RCSD1: variants seen among roughly 807,000 people sequenced by gnomAD.
RCSD1 encodes the protein RCSD domain containing 1.
RCSD1 carries 26 observed loss-of-function variants against 42.5 expected under a neutral mutation model. The observed-to-expected ratio is 0.61, with a 90% CI of 0.45 to 0.85. The LOEUF (loss-of-function observed/expected upper bound fraction) is 0.85. Among genes scored for constraint, RCSD1 ranks in the 40% least tolerant of loss-of-function variants. The probability of loss-of-function intolerance (pLI) is 0.00; values close to 1 mark genes in which losing one functional copy is unlikely to be tolerated. For missense variants in RCSD1, 571 were observed against 528.3 expected (o/e 1.08, Z -0.79); for synonymous variants, 220 against 212.2 (o/e 1.04, Z -0.32).
chr1:167,701,206 C>A (rs902874941), intron 6 of RCSD1, among the ~76,000 whole-genome samples: 7 of 152,172 alleles, frequency 4.6e-5, no homozygotes, highest in African/African-American at 1.7e-4. Flanking sequence ...TCCTCTCGGT[C>A]ATCTCTGAGA....
At chr1:167,638,067 G>A (rs1004272290) in intron 1 of RCSD1, among the ~76,000 whole-genome samples, 2 of 152,134 alleles carry the variant, frequency 1.3e-5, no homozygotes, top group African/African-American at 4.8e-5. Flanking sequence ...GAGCCTCCCC[G>A]CTAGACCCTC....
intron 1 of RCSD1, among the ~76,000 whole-genome samples, chr1:167,631,598 C>T (rs745748287): frequency 9.9e-5 from 15 of 152,222 alleles, no homozygotes; most frequent in Admixed American, 6.5e-5. Context: ...GATCCTCCCA[C>T]CTCAGCCTCC....
chr1:167,671,894 C>A (rs1190462179), intron 1 of RCSD1, among the ~76,000 whole-genome samples: 2 of 152,226 alleles, frequency 1.3e-5, no homozygotes, highest in African/African-American at 4.8e-5. Context: ...TGGCCTTGAA[C>A]TCCTCAACTG....
intron 1 of RCSD1, among the ~76,000 whole-genome samples, chr1:167,632,158 G>A (rs1657717647): frequency 6.6e-6 from 1 of 152,232 alleles, no homozygotes; most frequent in African/African-American, 2.4e-5. Flanking sequence ...GCAGAGGAGG[G>A]AAATGGCCCA....
chr1:167,667,841 T>A (rs924477836), intron 1 of RCSD1, among the ~76,000 whole-genome samples: 5 of 152,206 alleles, frequency 3.3e-5, no homozygotes, highest in Admixed American at 1.3e-4. Context: ...CCAGTGGTAT[T>A]GGTTTACGGA....
chr1:167,642,741 G>C (rs780297687), intron 1 of RCSD1, among the ~76,000 whole-genome samples: 11 of 152,172 alleles, frequency 7.2e-5, no homozygotes, highest in Non-Finnish European at 1.5e-4. Flanking sequence ...CCCCCTTGGT[G>C]AAAGGGAATC....
intron 6 of RCSD1, among the ~76,000 whole-genome samples, chr1:167,698,383 C>T (rs13374598): frequency 0.24 from 36,788 of 152,134 alleles, 7,658 homozygotes; most frequent in African/African-American, 0.57. Flanking sequence ...GGACAAAAAG[C>T]TGGGGATGCT....
At chr1:167,638,886 C>T (rs748754099) in intron 1 of RCSD1, among the ~76,000 whole-genome samples, 13 of 152,172 alleles carry the variant, frequency 8.5e-5, no homozygotes, top group Non-Finnish European at 1.6e-4. Context: ...TACCAATGGT[C>T]GTACTTAAAG....
intron 6 of RCSD1, among the ~76,000 whole-genome samples, chr1:167,700,426 A>G (rs576721744): frequency 2.0e-5 from 3 of 152,212 alleles, no homozygotes; most frequent in Admixed American, 6.5e-5. Context: ...AGGCGGGTGG[A>G]TCACAAGGTC....
chr1:167,632,893 C>T (rs1354952257), intron 1 of RCSD1, among the ~76,000 whole-genome samples: 1 of 152,142 alleles, frequency 6.6e-6, no homozygotes, highest in Non-Finnish European at 1.5e-5. Flanking sequence ...AGGAAGTAAA[C>T]TTTTCATGGT....
intron 1 of RCSD1, among the ~76,000 whole-genome samples, chr1:167,670,427 G>T (rs1658776405): frequency 6.6e-6 from 1 of 151,414 alleles, no homozygotes; most frequent in Admixed American, 6.6e-5. Context: ...TTGATCGGCA[G>T]CTCTGCCCCT....
chr1:167,643,929 A>G (rs1035936901), intron 1 of RCSD1, among the ~76,000 whole-genome samples: 4 of 152,208 alleles, frequency 2.6e-5, no homozygotes, highest in African/African-American at 4.8e-5. Context: ...ACAAGAGGAC[A>G]TCTGAAGTTC....
Position 167,707,127 on chromosome 1 carries a change from C to A in RCSD1, c.*2431C>A, listed in dbSNP as rs1933075. ...ACCTGGATGCTTTGAAGGGATCTGC[C>A]ACTATTTAAAAGGGGATTAGGATTC... On this transcript the variant is annotated 3_prime_UTR_variant, in exon 7 of 7. Coordinates refer to ENST00000367854, the MANE Select transcript of RCSD1 (RefSeq NM_052862.4). Among the ~76,000 whole-genome samples the A allele has an allele frequency of 0.31, 47,388 of 151,972 alleles. 7,663 individuals are homozygous for A. Among genetic ancestry groups the A allele is most frequent in the African/African-American group, 0.39 (16,269 of 41,424 alleles).
intron 6 of RCSD1, among the ~76,000 whole-genome samples, chr1:167,700,962 G>A (rs1659623045): frequency 6.6e-6 from 1 of 152,190 alleles, no homozygotes; most frequent in South Asian, 2.1e-4. Flanking sequence ...AGGGAAGAGG[G>A]CTGCTTCAGG....
At chr1:167,685,336 A>G in intron 2 of RCSD1, 85 bp from the exon 3 acceptor site, 1 of 1,044,418 alleles carries the variant, frequency 9.6e-7, no homozygotes, top group Middle Eastern at 2.1e-4. Context: ...TCCTGAAACC[A>G]GTTTCCATTT....
intron 1 of RCSD1, among the ~76,000 whole-genome samples, chr1:167,656,292 T>G (rs1271869774): frequency 6.6e-6 from 1 of 152,174 alleles, no homozygotes; most frequent in African/African-American, 2.4e-5. Context: ...GAGGAGGTAA[T>G]GATACCTTTG....
chr1:167,693,593 A>G (rs560319811), intron 4 of RCSD1, among the ~76,000 whole-genome samples: 3 of 152,348 alleles, frequency 2.0e-5, no homozygotes, highest in Non-Finnish European at 1.5e-5. Context: ...TGTGAATCTC[A>G]GGGCAGATCC....
rs1021346359 is a variant in RCSD1 at position 167,654,589 on chromosome 1, G to C, written c.6+24160G>C. Among the ~76,000 whole-genome samples, 13 of 152,186 alleles carry C rather than the reference G, an allele frequency of 8.5e-5. 1 individual carries two copies. Among genetic ancestry groups the C allele is most frequent in the Non-Finnish European group, 2.9e-5 (2 of 68,034 alleles). On this transcript the variant is annotated intron_variant, in intron 1 of 6. Coordinates refer to ENST00000367854, the MANE Select transcript of RCSD1 (RefSeq NM_052862.4). ...CCATAGTTACCTTTCTGGAAGGAGA[G>C]ATTGACAGGGGCCTTATATTCTCTA...
intron 1 of RCSD1, among the ~76,000 whole-genome samples, chr1:167,675,714 G>A (rs1003777950): frequency 9.2e-5 from 14 of 152,134 alleles, no homozygotes; most frequent in Non-Finnish European, 1.3e-4. Flanking sequence ...TAGATACCAC[G>A]CACATCCATC....
Sources: gnomAD v4.1 joint callset for allele counts (sites outside exome capture counted in the v4.1 genomes callset) on GRCh38, gnomAD v4.1.1 for gene constraint, MANE v1.5 for transcripts, NCBI Gene and HGNC (gene_info 2026-07-23, HGNC 2026-07-21) for gene names.